ARHGAP20: variants seen among roughly 807,000 people sequenced by gnomAD.
ARHGAP20 encodes Rho GTPase activating protein 20, also known as rho GTPase-activating protein 20.
A neutral mutation model predicts 73.7 loss-of-function variants in ARHGAP20; 34 were observed. The observed-to-expected ratio is 0.46, with a 90% CI of 0.35 to 0.61. The LOEUF is 0.61. Among genes scored for constraint, ARHGAP20 ranks in the 20% least tolerant of loss-of-function variants. The pLI is 0.00. For synonymous variants in ARHGAP20, 523 were observed against 518.2 expected, an observed-to-expected ratio of 1.01 and a Z score of -0.13; for missense variants, 1,314 against 1,420.9, an observed-to-expected ratio of 0.92 and a Z score of 1.21.
rs139613221 is a variant in ARHGAP20 at position 110,688,775 on chromosome 11, T to C, written c.188+1772A>G. Among the ~76,000 whole-genome samples the C allele has an allele frequency of 1.3e-3, 198 of 152,310 alleles. 1 individual carries two copies. The highest frequency in any genetic ancestry group is 4.5e-3 in the African/African-American group (186 of 41,584). On this transcript the variant is annotated intron_variant, in intron 2 of 14. Transcript: ENST00000683387. Reference sequence around the variant, plus strand: ...ATTTTTATTTGGCAGAACGGCTTCCTAATTAAATTTTGATTAGGCATCTAT... The same window carrying C: ...ATTTTTATTTGGCAGAACGGCTTCCCAATTAAATTTTGATTAGGCATCTAT...
In ARHGAP20 at chr11:110,636,509, T is replaced by C. The variant is rs185845921; in HGVS notation, c.189-5717A>G. On this transcript the variant is annotated intron_variant, in intron 2 of 14. Transcript: ENST00000683387. ...ATAACTCATTTTCCTCCTCGTGATA[T>C]TACTTTCAAATAAGTGGACTGGTGC... Among the ~76,000 whole-genome samples the C allele has an allele frequency of 1.5e-3, 233 of 152,234 alleles. 1 individual carries two copies. The highest frequency in any genetic ancestry group is 5.2e-3 in the African/African-American group (218 of 41,564).
chr11:110,697,804 C>A (rs1235018282), intron 1 of ARHGAP20, among the ~76,000 whole-genome samples: 1 of 151,820 alleles, frequency 6.6e-6, no homozygotes, highest in East Asian at 1.9e-4. Flanking sequence ...ATACCAGGAC[C>A]ATGCTGTTTT....
At position 110,577,055 on chromosome 11, in the gene ARHGAP20, T is replaced by A; in HGVS notation, c.*2315A>T. Reference sequence around the variant, plus strand: ...ATTGCTCTGGTGGGATGGTTAATTCTGCAGAATGGCATTTTATTTAACAGA... The same window carrying A: ...ATTGCTCTGGTGGGATGGTTAATTCAGCAGAATGGCATTTTATTTAACAGA... On this transcript the variant is annotated 3_prime_UTR_variant, in exon 15 of 15. Coordinates refer to ENST00000683387, the MANE Select transcript of ARHGAP20 (RefSeq NM_001384657.1). The A allele has an allele frequency of 7.0e-7, 1 of 1,436,120 alleles. No individual in the cohort carries two copies. The highest frequency in any genetic ancestry group is 9.4e-7 in the Non-Finnish European group (1 of 1,065,950). 89.0% of individuals were successfully genotyped at this position (1,436,120 alleles called of 1,614,324 possible).
intron 2 of ARHGAP20, among the ~76,000 whole-genome samples, chr11:110,659,619 A>T (rs1211162883): frequency 6.6e-6 from 1 of 151,910 alleles, no homozygotes; most frequent in African/African-American, 2.4e-5. Flanking sequence ...GGTGTTTTAG[A>T]CATGAAGTCC....
At chr11:110,606,362 T>C (rs1183535619) in intron 9 of ARHGAP20, among the ~76,000 whole-genome samples, 199 bp downstream of exon 9, 1 of 152,230 alleles carries the variant, frequency 6.6e-6, no homozygotes, top group African/African-American at 2.4e-5. Flanking sequence ...ACAGACTGTA[T>C]TGCTACTAGC....
At position 110,601,876 on chromosome 11, in the gene ARHGAP20, G is replaced by C. The variant is rs1948119120; in HGVS notation, c.964+4685C>G. 3.3e-5 allele frequency among the ~76,000 whole-genome samples: 5 copies of C among 151,876 alleles called. No homozygotes were observed. The South Asian group carries it at 1.0e-3, about 32-fold the overall frequency. On this transcript the variant is annotated intron_variant, in intron 9 of 14. Coordinates refer to ENST00000683387, the MANE Select transcript of ARHGAP20 (RefSeq NM_001384657.1). ...TTGGTGGCAGGCGCCTGTAATCCCA[G>C]CTATTCGGGAGGCTGATATAGGAGA...
intron 4 of ARHGAP20, among the ~76,000 whole-genome samples, chr11:110,620,563 A>G (rs1014145430): frequency 6.6e-6 from 1 of 152,178 alleles, no homozygotes; most frequent in Non-Finnish European, 1.5e-5. Flanking sequence ...AACATTTCCA[A>G]TGATTTCCAC....
intron 13 of ARHGAP20, 114 bp from the exon 14 acceptor site, chr11:110,582,549 C>T (rs1947501665): frequency 1.5e-6 from 1 of 653,898 alleles, no homozygotes; most frequent in Non-Finnish European, 2.6e-6. Flanking sequence ...GAGAAAAATT[C>T]ATATCGGCTT....
chr11:110,696,113 A>C (rs1196702900), intron 1 of ARHGAP20, among the ~76,000 whole-genome samples: 1 of 151,654 alleles, frequency 6.6e-6, no homozygotes, highest in African/African-American at 2.4e-5. Context: ...TGCCCAGAAC[A>C]AGCAAATCTA....
At chr11:110,708,102 T>C (rs544344527) in intron 1 of ARHGAP20, among the ~76,000 whole-genome samples, 1 of 152,202 alleles carries the variant, frequency 6.6e-6, no homozygotes, top group South Asian at 2.1e-4. Flanking sequence ...GCAAAATATT[T>C]AGACACTTCA....
intron 1 of ARHGAP20, among the ~76,000 whole-genome samples, chr11:110,704,452 G>A (rs1950516679): frequency 6.6e-6 from 1 of 152,142 alleles, no homozygotes; most frequent in African/African-American, 2.4e-5. Context: ...GGTCAAGGCT[G>A]CTCTCAGCAC....
At chr11:110,668,345 T>G (rs1014245097) in intron 2 of ARHGAP20, among the ~76,000 whole-genome samples, 3 of 152,186 alleles carry the variant, frequency 2.0e-5, no homozygotes, top group African/African-American at 7.2e-5. Context: ...GTATACAAAT[T>G]GTTTTTTAAA....
At chr11:110,692,019 A>C (rs1376420200) in intron 1 of ARHGAP20, among the ~76,000 whole-genome samples, 1 of 152,198 alleles carries the variant, frequency 6.6e-6, no homozygotes, top group East Asian at 1.9e-4. Context: ...CTAGAGAAAC[A>C]GCCCGGAGTT....
At chr11:110,676,613 A>T (rs1223679060) in intron 2 of ARHGAP20, among the ~76,000 whole-genome samples, 1 of 152,146 alleles carries the variant, frequency 6.6e-6, no homozygotes, top group African/African-American at 2.4e-5. Context: ...TTAAGATGAG[A>T]TGTGGGTGGG....
intron 12 of ARHGAP20, 87 bp downstream of exon 12, chr11:110,586,129 A>G: frequency 1.5e-6 from 1 of 661,094 alleles, no homozygotes; most frequent in Non-Finnish European, 2.3e-6. Flanking sequence ...CATGGATATG[A>G]CTTTGATAGC....
intron 2 of ARHGAP20, among the ~76,000 whole-genome samples, chr11:110,659,977 C>T (rs573385457): frequency 2.7e-5 from 4 of 150,332 alleles, no homozygotes; most frequent in Non-Finnish European, 3.0e-5. Flanking sequence ...GTGGGTGCAG[C>T]GCACCAGCAT....
At chr11:110,683,923 T>C (rs73563803) in intron 2 of ARHGAP20, among the ~76,000 whole-genome samples, 3,553 of 152,234 alleles carry the variant, frequency 0.023, 149 homozygotes, top group African/African-American at 0.082. Context: ...AGAGCCCTTA[T>C]GAAGAGAATT....
chr11:110,647,473 T>C (rs1468333910), intron 2 of ARHGAP20, among the ~76,000 whole-genome samples: 1 of 152,074 alleles, frequency 6.6e-6, no homozygotes, highest in African/African-American at 2.4e-5. Context: ...AGAAAGAGGA[T>C]TTGATCATTG....
In ARHGAP20 at chr11:110,580,812, C is replaced by T; in HGVS notation, c.2134G>A (p.Asp712Asn). 5.0e-6 allele frequency: 8 copies of T among 1,613,186 alleles called. No homozygotes were observed. Among genetic ancestry groups the T allele is most frequent in the Non-Finnish European group, 6.8e-6 (8 of 1,179,736 alleles). Reference protein sequence around the residue: ...RCSEPSIDYLDSKLSYLREFY... With the variant: ...RCSEPSIDYLNSKLSYLREFY... ...TCCCTGAGGTAGGAAAGCTTTGAAT[C>T]CAGATAGTCGATGCTGGGCTCTGAG... Residue 712 changes from aspartate (D) to asparagine (N), a missense_variant, in exon 15 of 15, where the codon GAT becomes AAT. By Grantham distance (23) the Asp-to-Asn change is conservative. Coordinates refer to ENST00000683387, the MANE Select transcript of ARHGAP20 (RefSeq NM_001384657.1).
Sources: gnomAD v4.1 joint callset for allele counts (sites outside exome capture counted in the v4.1 genomes callset) on GRCh38, gnomAD v4.1.1 for gene constraint, MANE v1.5 for transcripts, NCBI Gene and HGNC (gene_info 2026-07-23, HGNC 2026-07-21) for gene names.